The following MBOAT2 variants were observed in gnomAD, a reference collection of about 807,000 sequenced individuals.
The protein encoded by MBOAT2 is membrane-bound glycerophospholipid O-acyltransferase 2.
A neutral mutation model predicts 63.4 loss-of-function variants in MBOAT2; 28 were observed. That is an observed-to-expected ratio of 0.44 (90% CI 0.33 to 0.61). The LOEUF (loss-of-function observed/expected upper bound fraction) is 0.61, where lower values mean the gene tolerates loss of function less well. Among genes scored for constraint, MBOAT2 ranks in the 20% least tolerant of loss-of-function variants. The pLI is 0.03. For synonymous variants in MBOAT2, 211 were observed against 215.6 expected, an observed-to-expected ratio of 0.98 and a Z score of 0.19; for missense variants, 470 against 605.8, an observed-to-expected ratio of 0.78 and a Z score of 2.35.
chr2:9,003,536 G>T lies in MBOAT2; in HGVS notation c.75+4C>A, dbSNP rs1317235374. 1.7e-6 allele frequency: 2 copies of T among 1,210,536 alleles called. No homozygotes were observed. Among genetic ancestry groups the T allele is most frequent in the Non-Finnish European group, 2.1e-6 (2 of 971,010 alleles). 75.0% of individuals were successfully genotyped at this position (1,210,536 alleles called of 1,614,324 possible). A position where few individuals can be genotyped will look rare whatever the true frequency, so the allele number is the denominator to read the frequency against. ...ACGCCCGGCGCCAGGGCGCCTCGGGGTACCTGGTCGATGGGCAGCTGCACG... is the reference window on the plus strand; with the variant it reads ...ACGCCCGGCGCCAGGGCGCCTCGGGTTACCTGGTCGATGGGCAGCTGCACG... On this transcript the variant is annotated splice_donor_region_variant and intron_variant, in intron 1 of 12. Coordinates refer to ENST00000305997, the MANE Select transcript of MBOAT2 (RefSeq NM_138799.4). This position sits in a 1 kb window ranked among gnomAD's most constrained non-coding sequence, Gnocchi z 5.4.
At chr2:8,867,383 C>A (rs985511657) in intron 9 of MBOAT2, among the ~76,000 whole-genome samples, 2 of 152,116 alleles carry the variant, frequency 1.3e-5, no homozygotes, top group African/African-American at 4.8e-5. Flanking sequence ...TACTGGTGCT[C>A]TTTTAGAGAC....
At chr2:8,900,123 TC>T (rs1421565689) in intron 4 of MBOAT2, among the ~76,000 whole-genome samples, 3 of 152,184 alleles carry the variant, frequency 2.0e-5, no homozygotes, top group African/African-American at 7.2e-5. Context: ...ATGGCTTTTT[TC>T]CTAATTCTTC....
Position 8,897,489 on chromosome 2 carries a change from T to G in MBOAT2, c.396-9416A>C, listed in dbSNP as rs1036237293. On this transcript the variant is annotated intron_variant, in intron 4 of 12. Transcript: ENST00000305997. ...TTCTTTCCATATTGCAGCATGGGCA[T>G]GTAGGATTAGATAAGCATACTTGCT... 2.0e-5 allele frequency among the ~76,000 whole-genome samples: 3 copies of G among 152,370 alleles called. No homozygotes were observed. In the East Asian group the frequency reaches 5.8e-4, roughly 29 times the overall value.
At position 8,853,527 on chromosome 2, in the gene MBOAT2, A is replaced by G. The variant is rs570044119; in HGVS notation, c.*5152T>C. The G allele has an allele frequency of 6.6e-6, 1 of 152,348 alleles. No individual in the cohort carries two copies. The highest frequency in any genetic ancestry group is 2.1e-4 in the South Asian group (1 of 4,832). The allele number at this position is 152,348 out of a possible 1,614,324, so 9.4% of individuals were successfully genotyped here. ...GTGAAACAGCTAAGACTCTGGTGAA[A>G]GGCAGTCAGTCACCTTTCCCATTTC... is the stretch of plus-strand genomic sequence containing the variant. On this transcript the variant is annotated 3_prime_UTR_variant, in exon 13 of 13. Coordinates refer to ENST00000305997, the MANE Select transcript of MBOAT2 (RefSeq NM_138799.4).
chr2:8,963,423 C>T (rs1053182794), intron 1 of MBOAT2, among the ~76,000 whole-genome samples: 3 of 152,106 alleles, frequency 2.0e-5, no homozygotes, highest in Admixed American at 2.0e-4. Flanking sequence ...CCTGCCTCAG[C>T]CTCCCAAGCA....
At chr2:8,859,835 C>T (rs1031168850) in intron 12 of MBOAT2, among the ~76,000 whole-genome samples, 4 of 151,948 alleles carry the variant, frequency 2.6e-5, no homozygotes, top group African/African-American at 9.7e-5. Flanking sequence ...ATACAGATCA[C>T]CACAGTATCA....
At chr2:8,969,259 TCCAGCCAAA>T (rs1670259891) in intron 1 of MBOAT2, among the ~76,000 whole-genome samples, 1 of 152,056 alleles carries the variant, frequency 6.6e-6, no homozygotes, top group African/African-American at 2.4e-5. Context: ...GAATTTCATA[TCCAGCCAAA>T]CTAAGCTTCA....
At position 8,876,063 on chromosome 2, in the gene MBOAT2, A is replaced by C. The variant is rs191884547; in HGVS notation, c.690+967T>G. On this transcript the variant is annotated intron_variant, in intron 7 of 12. Coordinates refer to ENST00000305997, the MANE Select transcript of MBOAT2 (RefSeq NM_138799.4). Reference sequence around the variant, plus strand: ...GAAAACACACCAGCCCCTTTCCTTCATCTCACAGACTTCCTGATTGGCCTA... The same window carrying C: ...GAAAACACACCAGCCCCTTTCCTTCCTCTCACAGACTTCCTGATTGGCCTA... 2.7e-3 allele frequency among the ~76,000 whole-genome samples: 417 copies of C among 152,230 alleles called. 2 individuals carry two copies. Among genetic ancestry groups the C allele is most frequent in the South Asian group, 7.7e-3 (37 of 4,828 alleles).
At chr2:8,871,858 T>C (rs1026719254) in intron 8 of MBOAT2, among the ~76,000 whole-genome samples, 3 of 152,208 alleles carry the variant, frequency 2.0e-5, no homozygotes, top group Admixed American at 6.5e-5. Flanking sequence ...ATTCAAATAT[T>C]TGTTGAGTAA....
chr2:8,976,237 CCA>C (rs916623275), intron 1 of MBOAT2, among the ~76,000 whole-genome samples: 14 of 152,048 alleles, frequency 9.2e-5, no homozygotes, highest in African/African-American at 3.4e-4. Flanking sequence ...AATCAAGGCA[CCA>C]CAGAGATTAA....
chr2:8,963,727 A>T (rs1299263674), intron 1 of MBOAT2, among the ~76,000 whole-genome samples: 1 of 152,232 alleles, frequency 6.6e-6, no homozygotes, highest in Non-Finnish European at 1.5e-5. Context: ...TGTAGAAGAA[A>T]AATCCAAACT....
chr2:8,894,965 C>G (rs1047431218), intron 4 of MBOAT2, among the ~76,000 whole-genome samples: 1 of 151,568 alleles, frequency 6.6e-6, no homozygotes, highest in African/African-American at 2.4e-5. Flanking sequence ...AAAGGCGGCA[C>G]GTCCGGAGTT....
intron 4 of MBOAT2, among the ~76,000 whole-genome samples, chr2:8,890,492 C>T (rs1663912309): frequency 6.6e-6 from 1 of 152,176 alleles, no homozygotes; most frequent in Non-Finnish European, 1.5e-5. Context: ...GCATGTAGCA[C>T]AGTGTCTGGC....
chr2:8,987,918 C>T (rs939744721), intron 1 of MBOAT2, among the ~76,000 whole-genome samples: 15 of 152,036 alleles, frequency 9.9e-5, no homozygotes, highest in African/African-American at 3.6e-4. Flanking sequence ...TTATAAGTTT[C>T]ATATGATAAA....
rs79035576 is a variant in MBOAT2, at chr2:8,947,137, C to T, written c.222-3873G>A. On this transcript the variant is annotated intron_variant, in intron 2 of 12. Transcript: ENST00000305997. ...AAGCAAAACAGCATTGCTGCTAATACAGAGAAAGTTTAATTGTCTGGACAG... is the reference window on the plus strand; with the variant it reads ...AAGCAAAACAGCATTGCTGCTAATATAGAGAAAGTTTAATTGTCTGGACAG... 7.3e-3 allele frequency among the ~76,000 whole-genome samples: 1,117 copies of T among 152,326 alleles called. 12 individuals are homozygous for T. Among genetic ancestry groups the T allele is most frequent in the South Asian group, 0.02 (98 of 4,822 alleles).
chr2:8,945,678 G>A (rs996365116), intron 2 of MBOAT2, among the ~76,000 whole-genome samples: 1 of 152,090 alleles, frequency 6.6e-6, no homozygotes, highest in African/African-American at 2.4e-5. Flanking sequence ...GGAACCCCAT[G>A]GGCTGTGGAT....
intron 3 of MBOAT2, among the ~76,000 whole-genome samples, chr2:8,917,920 C>A (rs1666303325): frequency 1.3e-5 from 2 of 152,240 alleles, no homozygotes; most frequent in South Asian, 4.1e-4. Context: ...AACACAACAA[C>A]AGGGATGAGT....
intron 2 of MBOAT2, among the ~76,000 whole-genome samples, chr2:8,949,607 C>T (rs1053908533): frequency 2.6e-5 from 4 of 152,058 alleles, no homozygotes; most frequent in Non-Finnish European, 4.4e-5. Context: ...AGTCCTTTCC[C>T]CACTCTTTAT....
rs1313638403 is a variant in MBOAT2, at chr2:9,003,338, G to T, written c.75+202C>A. On this transcript the variant is annotated intron_variant, in intron 1 of 12. Transcript: ENST00000305997. This position sits in a 1 kb window ranked among gnomAD's most constrained non-coding sequence, Gnocchi z 5.4. Reference sequence around the variant, plus strand: ...CCTCCCGCTCGGCCCGGGGATGGCGGGCTGGGGGCGCACCCAGGAGGGAGG... The same window carrying T: ...CCTCCCGCTCGGCCCGGGGATGGCGTGCTGGGGGCGCACCCAGGAGGGAGG... 6.6e-6 allele frequency among the ~76,000 whole-genome samples: 1 copy of T among 151,888 alleles called. No individual in the cohort carries two copies. Among genetic ancestry groups the T allele is most frequent in the Non-Finnish European group, 1.5e-5 (1 of 67,930 alleles).
Sources: gnomAD v4.1 joint callset for allele counts (sites outside exome capture counted in the v4.1 genomes callset) on GRCh38, gnomAD v4.1.1 for gene constraint, Gnocchi (gnomAD v3.1) non-coding constraint, MANE v1.5 for transcripts, NCBI Gene and HGNC (gene_info 2026-07-23, HGNC 2026-07-21) for gene names.